Variants in GOPC observed in about 807,000 individuals in gnomAD.
The protein encoded by GOPC is Golgi-associated PDZ and coiled-coil motif-containing protein.
A neutral mutation model predicts 51.2 loss-of-function variants in GOPC; 32 were observed. The ratio of observed to expected loss-of-function variants is 0.63; its 90% CI spans 0.47 to 0.84. The LOEUF is 0.84. Among genes scored for constraint, GOPC ranks in the 40% least tolerant of loss-of-function variants. GOPC has a pLI of 0.00. For missense variants in GOPC, 441 were observed against 555.5 expected, an observed-to-expected ratio of 0.79 and a Z score of 2.07; for synonymous variants, 190 against 205.1, an observed-to-expected ratio of 0.93 and a Z score of 0.63.
At chr6:117,596,259 G>C (rs1226004708) in intron 1 of GOPC, among the ~76,000 whole-genome samples, 2 of 151,610 alleles carry the variant, frequency 1.3e-5, no homozygotes, top group South Asian at 2.1e-4. Flanking sequence ...TTTTTTTCTT[G>C]ATTTGTTTTG....
Position 117,578,938 on chromosome 6 carries a change from C to T in GOPC, c.412G>A (p.Gly138Ser), listed in dbSNP as rs781329351. The change falls in exon 2 of 9, where the codon GGT (glycine) becomes AGT (serine). Residue 138 changes from glycine to serine, a missense_variant. Physicochemically the swap from Gly to Ser is moderately conservative, Grantham distance 56. Coordinates refer to ENST00000368498, the MANE Select transcript of GOPC (RefSeq NM_020399.4). ...ATGGTACCAGAGTCAGCACTTTGAC[C>T]AGTTTTAGCATGAAGCTGCAGCTGA... ...SIQLQLHAKT[G>S]QSADSGTIKA... 33 of 1,606,718 alleles carry T rather than the reference C, an allele frequency of 2.1e-5. No homozygotes were observed. The Admixed American group carries it at 4.3e-4, about 21-fold the overall frequency.
At chr6:117,600,973 G>A (rs1358894901) in intron 1 of GOPC, among the ~76,000 whole-genome samples, 1 of 152,168 alleles carries the variant, frequency 6.6e-6, no homozygotes, top group African/African-American at 2.4e-5. Context: ...TGACCACTAG[G>A]CAAGGAGAGG....
At chr6:117,588,265 G>A (rs1467121481) in intron 1 of GOPC, among the ~76,000 whole-genome samples, 2 of 151,910 alleles carry the variant, frequency 1.3e-5, no homozygotes, top group Non-Finnish European at 2.9e-5. Flanking sequence ...TGGCTGGGGA[G>A]GCCTCAGCAA....
At chr6:117,569,938 A>T (rs1779773805) in intron 6 of GOPC, 4 of 507,094 alleles carry the variant, frequency 7.9e-6, no homozygotes, top group Non-Finnish European at 1.2e-5. Context: ...TAAATTCTTA[A>T]ATTAAAAAAA....
intron 1 of GOPC, among the ~76,000 whole-genome samples, chr6:117,590,204 T>G (rs1780095772): frequency 6.6e-6 from 1 of 152,212 alleles, no homozygotes; most frequent in Admixed American, 6.5e-5. Context: ...GAGTACTCAC[T>G]GTGTACCACA....
intron 5 of GOPC, among the ~76,000 whole-genome samples, chr6:117,572,926 GT>G (rs1779828512): frequency 6.6e-6 from 1 of 152,192 alleles, no homozygotes; most frequent in South Asian, 2.1e-4. Context: ...TCAAGCAGCT[GT>G]TATGATAAAA....
intron 6 of GOPC, 80 bp downstream of exon 6, chr6:117,570,780 G>C: frequency 1.9e-6 from 1 of 536,078 alleles, no homozygotes; most frequent in Middle Eastern, 3.3e-4. Flanking sequence ...AGAATATTCT[G>C]TTCCCCAGTG....
intron 1 of GOPC, among the ~76,000 whole-genome samples, chr6:117,583,434 C>T (rs1238578725): frequency 5.9e-5 from 9 of 152,252 alleles, no homozygotes; most frequent in South Asian, 2.1e-4. Flanking sequence ...CAGCTCATTA[C>T]GTTAATAGTT....
At position 117,602,369 on chromosome 6, in the gene GOPC, ACCCC is replaced by A; in HGVS notation, c.-85_-82del. The A allele has an allele frequency of 7.2e-7, 1 of 1,397,062 alleles. No homozygotes were observed. The highest frequency in any genetic ancestry group is 9.4e-7 in the Non-Finnish European group (1 of 1,062,906). 86.5% of individuals were successfully genotyped at this position (1,397,062 alleles called of 1,614,324 possible). On this transcript the variant is annotated 5_prime_UTR_variant, in exon 1 of 9. Coordinates refer to ENST00000368498, the MANE Select transcript of GOPC (RefSeq NM_020399.4). ...GAAGGGAACTGCTGGGACTGAGGGGACCCCCGCGCGCGCGGGCACACTCCGTCAC... is the reference window on the plus strand; with the variant it reads ...GAAGGGAACTGCTGGGACTGAGGGGACGCGCGCGCGGGCACACTCCGTCAC...
At chr6:117,565,682 T>C (rs1005310672) in intron 8 of GOPC, among the ~76,000 whole-genome samples, 25 of 152,198 alleles carry the variant, frequency 1.6e-4, no homozygotes, top group Non-Finnish European at 3.5e-4. Flanking sequence ...GATCAACGTA[T>C]GTTTTACAAA....
intron 1 of GOPC, among the ~76,000 whole-genome samples, chr6:117,588,954 T>TA (rs1000219789): frequency 6.6e-6 from 1 of 152,050 alleles, no homozygotes; most frequent in Non-Finnish European, 1.5e-5. Context: ...AGAGTAGGGG[T>TA]AGGCAATCTT....
chr6:117,587,595 A>G (rs2114622177), intron 1 of GOPC, among the ~76,000 whole-genome samples: 1 of 152,194 alleles, frequency 6.6e-6, no homozygotes, highest in South Asian at 2.1e-4. Flanking sequence ...GTGGAAGTGT[A>G]TGGCTATTCT....
At chr6:117,578,456 G>C (rs1467484178) in intron 2 of GOPC, among the ~76,000 whole-genome samples, 1 of 152,076 alleles carries the variant, frequency 6.6e-6, no homozygotes, top group African/African-American at 2.4e-5. Context: ...AGTGATGGAA[G>C]GAATCTGGAT....
chr6:117,569,503 A>C, intron 7 of GOPC, 69 bp downstream of exon 7: 21 of 1,529,726 alleles, frequency 1.4e-5, no homozygotes, highest in East Asian at 2.4e-5. Context: ...TTCGTAGGGA[A>C]GTATACAGTG....
chr6:117,598,935 G>C (rs1314689395), intron 1 of GOPC, among the ~76,000 whole-genome samples: 4 of 152,114 alleles, frequency 2.6e-5, no homozygotes, highest in African/African-American at 9.7e-5. Context: ...TAATGTTTGA[G>C]GTGACAGATA....
chr6:117,582,272 C>CACACA (rs772053432), intron 1 of GOPC, among the ~76,000 whole-genome samples: 1 of 66,004 alleles, frequency 1.5e-5, no homozygotes, highest in African/African-American at 8.2e-5. Flanking sequence ...GCCTCCCCCC[C>CACACA]TACACACACA....
intron 1 of GOPC, among the ~76,000 whole-genome samples, chr6:117,579,844 GA>G (rs1043577094): frequency 1.3e-5 from 2 of 151,590 alleles, no homozygotes; most frequent in African/African-American, 2.4e-5. Flanking sequence ...AGCACAATGA[GA>G]AAAAAAATTG....
chr6:117,577,497 T>A (rs1342833795), intron 2 of GOPC, 26 bp from the exon 3 acceptor site: 1 of 1,566,848 alleles, frequency 6.4e-7, no homozygotes, highest in Non-Finnish European at 8.7e-7. Context: ...AAAAGTTTTA[T>A]AATTAGAAAA....
intron 5 of GOPC, among the ~76,000 whole-genome samples, chr6:117,573,163 A>T: frequency 6.6e-6 from 1 of 152,232 alleles, no homozygotes; most frequent in Admixed American, 6.5e-5. Context: ...AGATTAAAAC[A>T]AATTCAAGCA....
Sources: gnomAD v4.1 joint callset for allele counts (sites outside exome capture counted in the v4.1 genomes callset) on GRCh38, gnomAD v4.1.1 for gene constraint, MANE v1.5 for transcripts, NCBI Gene and HGNC (gene_info 2026-07-23, HGNC 2026-07-21) for gene names.